Variants in KLRK1 observed in about 807,000 individuals in gnomAD.
The protein encoded by KLRK1 is NKG2-D type II integral membrane protein.
A neutral mutation model predicts 31.3 loss-of-function variants in KLRK1; 40 were observed. The observed-to-expected ratio is 1.28, with a 90% confidence interval of 0.99 to 1.67. The LOEUF is 1.67. Ranked by LOEUF, KLRK1 falls within the 40% of genes most tolerant of loss-of-function variation. The pLI, the probability that KLRK1 is intolerant of heterozygous loss-of-function variation, is 0.00. For missense variants in KLRK1, 251 were observed against 260.0 expected, an observed-to-expected ratio of 0.97 and a Z score of 0.24; for synonymous variants, 77 against 77.3, an observed-to-expected ratio of 1.00 and a Z score of 0.02.
chr12:10,380,500 T>TA (rs2137811029), intron 3 of KLRK1, among the ~76,000 whole-genome samples: 2 of 152,188 alleles, frequency 1.3e-5, no homozygotes, highest in South Asian at 4.1e-4. Context: ...ACACATTGAA[T>TA]AGAGTGTTGA....
intron 2 of KLRK1, among the ~76,000 whole-genome samples, chr12:10,387,865 G>A (rs147014356): frequency 1.4e-3 from 215 of 152,176 alleles, no homozygotes; most frequent in Non-Finnish European, 2.5e-3. Flanking sequence ...TCTTTATAAT[G>A]AAGGACATAC....
intron 3 of KLRK1, among the ~76,000 whole-genome samples, chr12:10,382,737 A>G (rs1018589123): frequency 7.2e-5 from 11 of 152,226 alleles, no homozygotes; most frequent in Non-Finnish European, 1.2e-4. Flanking sequence ...CTCAGATCTT[A>G]TGAAGACCAA....
chr12:10,376,804 A>AATTTATTT (rs768296073), intron 7 of KLRK1, among the ~76,000 whole-genome samples: 4 of 92,050 alleles, frequency 4.3e-5, no homozygotes, highest in Admixed American at 1.3e-4. Flanking sequence ...GTGTGTCTGA[A>AATTTATTT]ATTTACTTAT....
intron 4 of KLRK1, 41 bp from the exon 5 acceptor site, chr12:10,379,523 G>T: frequency 7.4e-7 from 1 of 1,354,484 alleles, no homozygotes; most frequent in Non-Finnish European, 1.0e-6. Flanking sequence ...TGTATTGTTA[G>T]TAACTTATAG....
Position 10,372,757 on chromosome 12 carries a change from G to C in KLRK1, c.*357C>G, listed in dbSNP as rs112682681. 391 of 260,320 alleles carry C rather than the reference G, an allele frequency of 1.5e-3. 2 individuals carry two copies. The highest frequency in any genetic ancestry group is 8.9e-3 in the African/African-American group (378 of 42,430). The allele number at this position is 260,320 out of a possible 1,614,324, so 16.1% of individuals were successfully genotyped here. Reference sequence around the variant, plus strand: ...GCAATTTCCTGTGGAGGGTGGGGTTGCACTCTCAGTGATCTGCTGGCCTTC... The same window carrying C: ...GCAATTTCCTGTGGAGGGTGGGGTTCCACTCTCAGTGATCTGCTGGCCTTC... On this transcript the variant is annotated 3_prime_UTR_variant, in exon 8 of 8. Transcript: ENST00000240618.
intron 2 of KLRK1, among the ~76,000 whole-genome samples, chr12:10,387,220 G>A (rs913121913): frequency 6.6e-6 from 1 of 152,100 alleles, no homozygotes; most frequent in African/African-American, 2.4e-5. Flanking sequence ...GCCATGGAAA[G>A]TACCCTTAGC....
chr12:10,388,203 G>C (rs1479883427), intron 2 of KLRK1, among the ~76,000 whole-genome samples: 3 of 152,170 alleles, frequency 2.0e-5, no homozygotes, highest in Non-Finnish European at 4.4e-5. Flanking sequence ...ATGGAGTAAA[G>C]AGAGTAGGTA....
intron 7 of KLRK1, among the ~76,000 whole-genome samples, chr12:10,374,938 G>A (rs77213977): frequency 0.018 from 2,730 of 152,242 alleles, 87 homozygotes; most frequent in African/African-American, 0.062. Context: ...AAGTTAGTAT[G>A]CTAGTTGTTT....
chr12:10,381,994 T>C (rs1035537470), intron 3 of KLRK1: 12 of 152,194 alleles, frequency 7.9e-5, no homozygotes, highest in African/African-American at 2.9e-4. Context: ...AGTGCTCATA[T>C]GGGGAGCATT....
chr12:10,380,608 T>G (rs2733847), intron 3 of KLRK1, among the ~76,000 whole-genome samples: 1 of 151,922 alleles, frequency 6.6e-6, no homozygotes, highest in Non-Finnish European at 1.5e-5. Context: ...GCAGGTGACA[T>G]GGATCAGCTT....
intron 7 of KLRK1, among the ~76,000 whole-genome samples, chr12:10,374,383 T>C (rs1862922460): frequency 7.1e-6 from 1 of 140,234 alleles, no homozygotes; most frequent in Non-Finnish European, 1.5e-5. Flanking sequence ...TTTTTTTCTT[T>C]CTTTCCTCTC....
intron 5 of KLRK1, 146 bp from the exon 6 acceptor site, chr12:10,378,851 C>T (rs1010387148): frequency 1.1e-4 from 109 of 980,608 alleles, no homozygotes; most frequent in Middle Eastern, 3.3e-4. Flanking sequence ...CATATCTCTA[C>T]ATATTCATAG....
chr12:10,379,534 T>C, intron 4 of KLRK1, 52 bp from the exon 5 acceptor site: 1 of 1,325,402 alleles, frequency 7.5e-7, no homozygotes, highest in Non-Finnish European at 1.0e-6. Context: ...TAACTTATAG[T>C]ATAAGCAAAT....
intron 5 of KLRK1, 176 bp from the exon 6 acceptor site, chr12:10,378,881 TG>T (rs1317827399): frequency 2.9e-5 from 20 of 700,856 alleles, no homozygotes; most frequent in Admixed American, 7.5e-5. Context: ...AGGCTGGGTG[TG>T]GTGTCTCATG....
rs915407913 is a variant in KLRK1, at chr12:10,372,889, G to C, written c.*225C>G. 2.2e-5 allele frequency: 10 copies of C among 464,438 alleles called. No homozygotes were observed. The highest frequency in any genetic ancestry group is 2.1e-4 in the African/African-American group (10 of 48,570). The allele number at this position is 464,438 out of a possible 1,614,324, so 28.8% of individuals were successfully genotyped here. On this transcript the variant is annotated 3_prime_UTR_variant, in exon 8 of 8. Coordinates refer to ENST00000240618, the MANE Select transcript of KLRK1 (RefSeq NM_007360.4). ...GCTTGTGGTGGGAGAGGCAGCCTTG[G>C]GGATATCTGAATTGCCTTTAGGATC...
chr12:10,373,299 A>T (rs1862897874), intron 7 of KLRK1, 68 bp from the exon 8 acceptor site: 1 of 1,336,382 alleles, frequency 7.5e-7, no homozygotes, highest in African/African-American at 1.5e-5. Flanking sequence ...AATGAATCAT[A>T]CCTATTGAAC....
chr12:10,378,380 A>G, intron 6 of KLRK1, 145 bp from the exon 7 acceptor site: 1 of 1,322,964 alleles, frequency 7.6e-7, no homozygotes. Flanking sequence ...CCGAGCACAC[A>G]TACATGATAC....
At chr12:10,377,213 T>C (rs1862983455) in intron 7 of KLRK1, among the ~76,000 whole-genome samples, 1 of 152,182 alleles carries the variant, frequency 6.6e-6, no homozygotes, top group African/African-American at 2.4e-5. Flanking sequence ...AGGTAGAAAG[T>C]AAAATTTGTA....
intron 5 of KLRK1, chr12:10,379,236 AG>A (rs1278439884): frequency 6.0e-4 from 65 of 108,778 alleles, no homozygotes; most frequent in Middle Eastern, 4.2e-3. Context: ...AAAAAAAAAG[AG>A]AGAGAGAGAG....
Sources: gnomAD v4.1 joint callset for allele counts (sites outside exome capture counted in the v4.1 genomes callset) on GRCh38, gnomAD v4.1.1 for gene constraint, MANE v1.5 for transcripts, NCBI Gene and HGNC (gene_info 2026-07-23, HGNC 2026-07-21) for gene names.